Variants in APCS observed in about 807,000 individuals in gnomAD.
The protein encoded by APCS is serum amyloid P-component.
Under a neutral mutation model 2.5 loss-of-function variants are expected in APCS, and 2 were observed. The ratio of observed to expected loss-of-function variants is 0.80; its 90% CI spans 0.33 to 2.53. The LOEUF is 2.53. Ranked by LOEUF, APCS falls within the 30% of genes most tolerant of loss-of-function variation. APCS has a pLI of 0.11. For synonymous variants in APCS, 109 were observed against 102.5 expected (o/e 1.06, Z -0.39); for missense variants, 302 against 258.9 (o/e 1.17, Z -1.14).
Position 159,588,385 on chromosome 1 carries a change from T to G in APCS, c.349T>G (p.Trp117Gly). 1 of 1,614,164 alleles carries G rather than the reference T, an allele frequency of 6.2e-7. No homozygotes were observed. Among genetic ancestry groups the G allele is most frequent in the Non-Finnish European group, 8.5e-7 (1 of 1,180,016 alleles). ...GGCTCCAGTGCACATCTGTGTGAGC[T>G]GGGAGTCCTCATCAGGTATTGCTGA... ...FPAPVHICVS[W>G]ESSSGIAEFW... The change falls in exon 2 of 2, where the codon TGG becomes GGG. Residue 117 changes from tryptophan (W) to glycine (G), a missense_variant. Physicochemically the swap from Trp to Gly is radical, Grantham distance 184. Transcript: ENST00000255040.
chr1:159,588,054 C>T (rs1164988785), intron 1 of APCS, 47 bp from the exon 2 acceptor site: 7 of 1,613,166 alleles, frequency 4.3e-6, no homozygotes, highest in Non-Finnish European at 5.1e-6. Context: ...ATATCTTTTC[C>T]CTGCATTTAT....
Position 159,588,469 on chromosome 1 carries a change from GAA to G in APCS, c.434_435del (p.Glu145GlyfsTer19), listed in dbSNP as rs1658813582. 1.5e-5 allele frequency: 25 copies of G among 1,613,796 alleles called. No individual in the cohort carries two copies. The highest frequency in any genetic ancestry group is 2.1e-5 in the Non-Finnish European group (25 of 1,179,918). ...KKGLRQGYFV[E>X]AQPKIVLGQE... ...GGGTCTGCGACAGGGTTACTTTGTA[GAA>G]GCTCAGCCCAAGATTGTCCTGGGGC... On this transcript the variant is annotated frameshift_variant, in exon 2 of 2. Coordinates refer to ENST00000255040, the MANE Select transcript of APCS (RefSeq NM_001639.4). LOFTEE classifies it low-confidence loss of function (END_TRUNC).
In APCS at chr1:159,588,579, T is replaced by C. The variant is rs374061734; in HGVS notation, c.543T>C (p.Ser181=). Reference sequence around the variant, plus strand: ...TTGGGGATTTGTACATGTGGGACTCTGTGCTGCCCCCAGAAAATATCCTGT... The same window carrying C: ...TTGGGGATTTGTACATGTGGGACTCCGTGCTGCCCCCAGAAAATATCCTGT... ...GEIGDLYMWD[S]VLPPENILSA... is the part of the protein sequence containing the mutation. Residue 181 remains serine, a synonymous_variant, in exon 2 of 2, where the codon TCT becomes TCC. Coordinates refer to ENST00000255040, the MANE Select transcript of APCS (RefSeq NM_001639.4). 2.5e-6 allele frequency: 4 copies of C among 1,613,918 alleles called. No homozygotes were observed. In the African/African-American group the frequency reaches 5.3e-5, roughly 22 times the overall value.
chr1:159,588,491 T>C lies in APCS; in HGVS notation c.455T>C (p.Leu152Pro), dbSNP rs1188720579. The change falls in exon 2 of 2, where the codon CTG (leucine) becomes CCG (proline). Residue 152 changes from leucine (L) to proline (P), a missense_variant. Transcript: ENST00000255040. The part of the protein sequence containing the change: ...YFVEAQPKIV[L>P]GQEQDSYGGK... ...GTAGAAGCTCAGCCCAAGATTGTCC[T>C]GGGGCAGGAACAGGATTCCTATGGG... 1 of 1,613,872 alleles carries C rather than the reference T, an allele frequency of 6.2e-7. No individual in the cohort carries two copies. Among genetic ancestry groups the C allele is most frequent in the Non-Finnish European group, 8.5e-7 (1 of 1,179,862 alleles).
Position 159,587,933 on chromosome 1 carries a change from G to C in APCS, c.12G>C (p.Pro4=). The part of the protein sequence containing the change: MNK[P]LLWISVLTSL... The stretch of plus-strand genomic sequence containing the variant: ...CCTAGGCCAGGAATATGAACAAGCC[G>C]CTGCTTTGGATCTCTGTCCTCACCA... Residue 4 remains proline (P), a synonymous_variant, in exon 1 of 2, where the codon CCG becomes CCC. Coordinates refer to ENST00000255040, the MANE Select transcript of APCS (RefSeq NM_001639.4). The C allele has an allele frequency of 6.2e-7, 1 of 1,613,964 alleles. No homozygotes were observed.
chr1:159,587,846 A>C lies in APCS; in HGVS notation c.-76A>C. ...TCTAAGGGCATGAATATCAGACGCT[A>C]GGGGGACAGCCACTGTGTTGTCTGC... is the stretch of plus-strand genomic sequence containing the variant. On this transcript the variant is annotated 5_prime_UTR_variant, in exon 1 of 2. An upstream open reading frame in the 5' UTR loses its in-frame stop. Coordinates refer to ENST00000255040, the MANE Select transcript of APCS (RefSeq NM_001639.4). 1 of 1,468,706 alleles carries C rather than the reference A, an allele frequency of 6.8e-7. No individual in the cohort carries two copies. The allele number at this position is 1,468,706 out of a possible 1,614,324, so 91.0% of individuals were successfully genotyped here.
In APCS at chr1:159,587,897, G is replaced by T. The variant is rs775940749; in HGVS notation, c.-25G>T. On this transcript the variant is annotated 5_prime_UTR_variant, in exon 1 of 2. Transcript: ENST00000255040. ...TACCCTCATCCTGGTCACTGCTTCT[G>T]CTATAACAGCCCTAGGCCAGGAATA... is the stretch of plus-strand genomic sequence containing the variant. 1 of 1,611,260 alleles carries T rather than the reference G, an allele frequency of 6.2e-7. No homozygotes were observed. Among genetic ancestry groups the T allele is most frequent in the Non-Finnish European group, 8.5e-7 (1 of 1,178,236 alleles).
rs1402688466 is a variant in APCS, at chr1:159,588,601, C to T, written c.565C>T (p.Leu189=). 23 of 1,613,836 alleles carry T rather than the reference C, an allele frequency of 1.4e-5. No homozygotes were observed. The highest frequency in any genetic ancestry group is 1.9e-5 in the Non-Finnish European group (22 of 1,179,976). The change falls in exon 2 of 2, where the codon CTG becomes TTG. Residue 189 remains leucine (L), a synonymous_variant. Transcript: ENST00000255040. ...WDSVLPPENI[L]SAYQGTPLPA... is the part of the protein sequence containing the mutation. ...CTCTGTGCTGCCCCCAGAAAATATC[C>T]TGTCTGCCTATCAGGGTACCCCTCT...
At position 159,588,096 on chromosome 1, in the gene APCS, C is replaced by T. The variant is rs200668921; in HGVS notation, c.65-5C>T. The T allele has an allele frequency of 1.1e-4, 182 of 1,613,250 alleles. 1 individual carries two copies. In the African/African-American group the frequency reaches 1.6e-3, roughly 14 times the overall value. On this transcript the variant is annotated splice_region_variant and splice_polypyrimidine_tract_variant and intron_variant, in intron 1 of 1. Coordinates refer to ENST00000255040, the MANE Select transcript of APCS (RefSeq NM_001639.4). Reference sequence around the variant, plus strand: ...GGTCATTATCTTTCTTTCTTTATCCCGCAGACCTCAGTGGGAAGGTGTTTG... The same window carrying T: ...GGTCATTATCTTTCTTTCTTTATCCTGCAGACCTCAGTGGGAAGGTGTTTG...
In APCS at chr1:159,588,733, G is replaced by T; in HGVS notation, c.*25G>T. On this transcript the variant is annotated 3_prime_UTR_variant, in exon 2 of 2. Coordinates refer to ENST00000255040, the MANE Select transcript of APCS (RefSeq NM_001639.4). ...AGGTCTTGACTCAACGAGAGCACTTGAAAATGAAATGACTGTCTAAGAGAT... is the reference window on the plus strand; with the variant it reads ...AGGTCTTGACTCAACGAGAGCACTTTAAAATGAAATGACTGTCTAAGAGAT... The T allele has an allele frequency of 6.3e-7, 1 of 1,584,778 alleles. No homozygotes were observed. The highest frequency in any genetic ancestry group is 1.1e-5 in the South Asian group (1 of 88,562).
rs1473450742 is a variant in APCS, at chr1:159,587,889, C to A, written c.-33C>A. ...TTGTCTGCTACCCTCATCCTGGTCA[C>A]TGCTTCTGCTATAACAGCCCTAGGC... is the stretch of plus-strand genomic sequence containing the variant. On this transcript the variant is annotated 5_prime_UTR_variant, in exon 1 of 2. In the 5' UTR this introduces an upstream ATG that the reference lacks. Coordinates refer to ENST00000255040, the MANE Select transcript of APCS (RefSeq NM_001639.4). 1 of 1,605,826 alleles carries A rather than the reference C, an allele frequency of 6.2e-7. No homozygotes were observed. The highest frequency in any genetic ancestry group is 2.2e-5 in the East Asian group (1 of 44,860).
In APCS at chr1:159,588,059, A is replaced by G. The variant is rs781175160; in HGVS notation, c.65-42A>G. 13 of 1,613,332 alleles carry G rather than the reference A, an allele frequency of 8.1e-6. No homozygotes were observed. The East Asian group carries it at 1.6e-4, about 19-fold the overall frequency. ...TGAAGCTGAGATATCTTTTCCCTGC[A>G]TTTATACTGAAGGTCATTATCTTTC... On this transcript the variant is annotated intron_variant, in intron 1 of 1. Coordinates refer to ENST00000255040, the MANE Select transcript of APCS (RefSeq NM_001639.4).
At position 159,588,390 on chromosome 1, in the gene APCS, GTCC is replaced by G; in HGVS notation, c.357_359del (p.Ser121del). 1 of 1,614,116 alleles carries G rather than the reference GTCC, an allele frequency of 6.2e-7. No homozygotes were observed. Among genetic ancestry groups the G allele is most frequent in the South Asian group, 1.1e-5 (1 of 91,080 alleles). On this transcript the variant is annotated inframe_deletion, in exon 2 of 2. Coordinates refer to ENST00000255040, the MANE Select transcript of APCS (RefSeq NM_001639.4). ...CAGTGCACATCTGTGTGAGCTGGGA[GTCC>G]TCATCAGGTATTGCTGAATTTTGGA...
Position 159,588,507 on chromosome 1 carries a change from T to A in APCS, c.471T>A (p.Asp157Glu). Reference protein sequence around the residue: ...QPKIVLGQEQDSYGGKFDRSQ... With the variant: ...QPKIVLGQEQESYGGKFDRSQ... ...AGATTGTCCTGGGGCAGGAACAGGA[T>A]TCCTATGGGGGCAAGTTTGATAGGA... is the stretch of plus-strand genomic sequence containing the variant. The change falls in exon 2 of 2, where the codon GAT becomes GAA. Residue 157 changes from aspartate (D) to glutamate (E), a missense_variant. Coordinates refer to ENST00000255040, the MANE Select transcript of APCS (RefSeq NM_001639.4). 1 of 1,613,970 alleles carries A rather than the reference T, an allele frequency of 6.2e-7. No individual in the cohort carries two copies. Among genetic ancestry groups the A allele is most frequent in the Non-Finnish European group, 8.5e-7 (1 of 1,179,968 alleles).
Position 159,588,101 on chromosome 1 carries a change from ACCTCAGTGGGAAGGTGTTTGTATTT to A in APCS, c.69_93del (p.Ser24GlufsTer8). 6.2e-7 allele frequency: 1 copy of A among 1,613,326 alleles called. No individual in the cohort carries two copies. Among genetic ancestry groups the A allele is most frequent in the Non-Finnish European group, 8.5e-7 (1 of 1,179,468 alleles). On this transcript the variant is annotated frameshift_variant and splice_region_variant, in exon 2 of 2. Transcript: ENST00000255040. LOFTEE classifies it low-confidence loss of function (END_TRUNC). Reference sequence around the variant, plus strand: ...TTATCTTTCTTTCTTTATCCCGCAGACCTCAGTGGGAAGGTGTTTGTATTTCCTAGAGAATCTGTTACTGATCATG... The same window carrying A: ...TTATCTTTCTTTCTTTATCCCGCAGACCTAGAGAATCTGTTACTGATCATG...
rs1452224861 is a variant in APCS, at chr1:159,588,122, T to C, written c.86T>C (p.Val29Ala). The change falls in exon 2 of 2, where the codon GTA becomes GCA. Residue 29 changes from valine (V) to alanine (A), a missense_variant. Coordinates refer to ENST00000255040, the MANE Select transcript of APCS (RefSeq NM_001639.4). ...AHTDLSGKVF[V>A]FPRESVTDHV... ...GCAGACCTCAGTGGGAAGGTGTTTGTATTTCCTAGAGAATCTGTTACTGAT... is the reference window on the plus strand; with the variant it reads ...GCAGACCTCAGTGGGAAGGTGTTTGCATTTCCTAGAGAATCTGTTACTGAT... 1 of 1,613,690 alleles carries C rather than the reference T, an allele frequency of 6.2e-7. No homozygotes were observed. The highest frequency in any genetic ancestry group is 8.5e-7 in the Non-Finnish European group (1 of 1,179,656).
Position 159,587,944 on chromosome 1 carries a change from T to C in APCS, c.23T>C (p.Ile8Thr), listed in dbSNP as rs758706848. MNKPLLW[I>T]SVLTSLLEAF... ...AATATGAACAAGCCGCTGCTTTGGA[T>C]CTCTGTCCTCACCAGCCTCCTGGAA... The change falls in exon 1 of 2, where the codon ATC (isoleucine) becomes ACC (threonine). Residue 8 changes from isoleucine (I) to threonine (T), a missense_variant. By Grantham distance (89) the Ile-to-Thr change is moderately conservative (BLOSUM62 -1). Transcript: ENST00000255040. 1.2e-6 allele frequency: 2 copies of C among 1,614,074 alleles called. No homozygotes were observed. Among genetic ancestry groups the C allele is most frequent in the Non-Finnish European group, 1.7e-6 (2 of 1,180,008 alleles).
Position 159,587,960 on chromosome 1 carries a change from C to T in APCS, c.39C>T (p.Ser13=), listed in dbSNP as rs746825256. The part of the protein sequence containing the change: ...KPLLWISVLT[S]LLEAFAHTDL... Reference sequence around the variant, plus strand: ...TGCTTTGGATCTCTGTCCTCACCAGCCTCCTGGAAGCCTTTGCTCACACAG... The same window carrying T: ...TGCTTTGGATCTCTGTCCTCACCAGTCTCCTGGAAGCCTTTGCTCACACAG... The change falls in exon 1 of 2, where the codon AGC becomes AGT. Residue 13 remains serine (S), a synonymous_variant. Coordinates refer to ENST00000255040, the MANE Select transcript of APCS (RefSeq NM_001639.4). 1.2e-6 allele frequency: 2 copies of T among 1,614,132 alleles called. No homozygotes were observed. The highest frequency in any genetic ancestry group is 1.7e-6 in the Non-Finnish European group (2 of 1,180,028).
chr1:159,588,788 A>G lies in APCS; in HGVS notation c.*80A>G. On this transcript the variant is annotated 3_prime_UTR_variant, in exon 2 of 2. Transcript: ENST00000255040. ...TCAAAGCAACTGGATACTAGATCTT[A>G]CATCTGCAGCTCTTTCTTCTTTGAA... 7.1e-7 allele frequency: 1 copy of G among 1,403,740 alleles called. No individual in the cohort carries two copies. The highest frequency in any genetic ancestry group is 9.6e-7 in the Non-Finnish European group (1 of 1,038,072). The allele number at this position is 1,403,740 out of a possible 1,614,324, so 87.0% of individuals were successfully genotyped here.
Sources: gnomAD v4.1 joint callset for allele counts on GRCh38, gnomAD v4.1.1 for gene constraint, MANE v1.5 for transcripts, NCBI Gene and HGNC (gene_info 2026-07-23, HGNC 2026-07-21) for gene names.